The following PER2 variants were observed in gnomAD, a reference collection of about 807,000 sequenced individuals.
The protein encoded by PER2 is period circadian regulator 2.
A neutral mutation model predicts 121.0 loss-of-function variants in PER2; 66 were observed. The ratio of observed to expected loss-of-function variants is 0.55; its 90% CI spans 0.45 to 0.67. PER2 has a LOEUF of 0.67. Among genes scored for constraint, PER2 ranks in the 30% least tolerant of loss-of-function variants. The probability of loss-of-function intolerance (pLI) is 0.00; values close to 1 mark genes in which losing one functional copy is unlikely to be tolerated. For missense variants in PER2, 1,521 were observed against 1,635.0 expected, an observed-to-expected ratio of 0.93 and a Z score of 1.20; for synonymous variants, 684 against 659.9, an observed-to-expected ratio of 1.04 and a Z score of -0.56.
chr2:238,264,580 C>T (rs1574849528), intron 9 of PER2, among the ~76,000 whole-genome samples: 2 of 152,336 alleles, frequency 1.3e-5, no homozygotes, highest in East Asian at 3.9e-4. Flanking sequence ...GTGGTATCTT[C>T]TGAGGTCACT....
In PER2 at chr2:238,248,751, G is replaced by A. The variant is rs555247080; in HGVS notation, c.3618+311C>T. Among the ~76,000 whole-genome samples the A allele has an allele frequency of 3.9e-5, 6 of 151,932 alleles. No homozygotes were observed. The South Asian group carries it at 1.2e-3, about 32-fold the overall frequency. On this transcript the variant is annotated intron_variant, in intron 22 of 22. Transcript: ENST00000254657. The stretch of plus-strand genomic sequence containing the variant: ...GCTCCCTGCAAGCTCTGCCTCCGGG[G>A]TTCCCGCCATTCTCCTGCCTCAGCC...
intron 10 of PER2, among the ~76,000 whole-genome samples, 172 bp downstream of exon 10, chr2:238,262,780 G>A (rs141889113): frequency 5.2e-4 from 79 of 152,234 alleles, no homozygotes; most frequent in African/African-American, 1.6e-3. Context: ...CCTCTCTCTC[G>A]ACTCCACTGG....
chr2:238,253,725 C>CG lies in PER2; in HGVS notation c.2321-24dup, dbSNP rs759843403. ...CAGCTAATGCAGAAAAACAAATACT[C>CG]GGAGTTAAAATTTTAACTCCAAATT... On this transcript the variant is annotated intron_variant, in intron 18 of 22. Transcript: ENST00000254657. This position sits in a 1 kb window ranked among gnomAD's most constrained non-coding sequence, Gnocchi z 5.6. The CG allele has an allele frequency of 2.6e-6, 4 of 1,557,814 alleles. No individual in the cohort carries two copies. In the Admixed American group the frequency reaches 5.4e-5, roughly 21 times the overall value.
At position 238,268,057 on chromosome 2, in the gene PER2, T is replaced by G. The variant is rs774244067; in HGVS notation, c.966A>C (p.Glu322Asp). The stretch of plus-strand genomic sequence containing the variant: ...CCTCGCCCTGGGCTTGGCTGTTACC[T>G]TCATAACCAGAGTGCACTCTCTCTG... ...LLAERVHSGY[E>D]APRIPPEKRI... The change falls in exon 8 of 23, where the codon GAA becomes GAC. Residue 322 changes from glutamate to aspartate, a missense_variant and splice_region_variant. Coordinates refer to ENST00000254657, the MANE Select transcript of PER2 (RefSeq NM_022817.3). This position sits in a 1 kb window ranked among gnomAD's most constrained non-coding sequence, Gnocchi z 4.0. The G allele has an allele frequency of 6.2e-7, 1 of 1,613,844 alleles. No individual in the cohort carries two copies.
At position 238,252,957 on chromosome 2, in the gene PER2, G is replaced by C. The variant is rs1328643565; in HGVS notation, c.3066C>G (p.Cys1022Trp). The change falls in exon 19 of 23, where the codon TGC becomes TGG. Residue 1022 changes from cysteine to tryptophan, a missense_variant. Cys to Trp is a radical substitution (Grantham distance 215). Transcript: ENST00000254657. The surrounding 1 kb of genome is among the most constrained non-coding windows in gnomAD (Gnocchi z 4.2). ...ATETAAVGAD[C>W]KPGTSRDQQP... ...GCTGGTCCCGAGAAGTGCCAGGTTT[G>C]CAGTCCGCCCCTACAGCTGCTGTCT... The C allele has an allele frequency of 6.2e-7, 1 of 1,613,890 alleles. No homozygotes were observed. Among genetic ancestry groups the C allele is most frequent in the Non-Finnish European group, 8.5e-7 (1 of 1,180,028 alleles).
chr2:238,276,761 C>T (rs560866450), intron 3 of PER2, among the ~76,000 whole-genome samples: 1 of 152,222 alleles, frequency 6.6e-6, no homozygotes, highest in South Asian at 2.1e-4. Flanking sequence ...GCCCACATGC[C>T]CTGGACAAGG....
intron 5 of PER2, among the ~76,000 whole-genome samples, chr2:238,272,729 G>A (rs570580561): frequency 1.3e-5 from 2 of 152,310 alleles, no homozygotes; most frequent in South Asian, 4.1e-4. Context: ...CAAAGCCCTG[G>A]ACAAGTGAAC....
intron 4 of PER2, 56 bp from the exon 5 acceptor site, chr2:238,273,247 A>G (rs1027162880): frequency 1.6e-5 from 25 of 1,588,484 alleles, no homozygotes; most frequent in Non-Finnish European, 2.1e-5. Flanking sequence ...GGCCGGAGAC[A>G]GTCACTAGCT....
At position 238,275,723 on chromosome 2, in the gene PER2, G is replaced by C. The variant is rs1279969088; in HGVS notation, c.448+20C>G. On this transcript the variant is annotated intron_variant, in intron 4 of 22. Coordinates refer to ENST00000254657, the MANE Select transcript of PER2 (RefSeq NM_022817.3). ...AACATATTTCTATAGGTTTGGAGCA[G>C]ATGTGCGAGGCCGACGTACCTTTCA... is the stretch of plus-strand genomic sequence containing the variant. The C allele has an allele frequency of 1.2e-6, 2 of 1,610,942 alleles. No individual in the cohort carries two copies. The highest frequency in any genetic ancestry group is 1.7e-5 in the Admixed American group (1 of 60,020).
At chr2:238,257,440 T>C (rs1449672179) in intron 16 of PER2, among the ~76,000 whole-genome samples, 1 of 152,132 alleles carries the variant, frequency 6.6e-6, no homozygotes, top group Non-Finnish European at 1.5e-5. Flanking sequence ...TTTCCGACAG[T>C]CAGGAGCCAA....
At chr2:238,257,167 C>T (rs1183770242) in intron 16 of PER2, 81 bp from the exon 17 acceptor site, 3 of 1,316,286 alleles carry the variant, frequency 2.3e-6, no homozygotes, top group African/African-American at 1.4e-5. Context: ...CCCAAGTGCC[C>T]ATACAGCTTC....
chr2:238,290,107 CCTT>C (rs2106338353), upstream of PER2: 1 of 152,372 alleles, frequency 6.6e-6, no homozygotes, highest in South Asian at 2.1e-4. Context: ...TGTGATAACT[CCTT>C]CTCTTCTACT....
rs769391178 is a variant in PER2 at position 238,252,953 on chromosome 2, G to A, written c.3070C>T (p.Pro1024Ser). ...ETAAVGADCK[P>S]GTSRDQQPKA... ...GGCTGCTGGTCCCGAGAAGTGCCAG[G>A]TTTGCAGTCCGCCCCTACAGCTGCT... The change falls in exon 19 of 23, where the codon CCT (proline) becomes TCT (serine). Residue 1024 changes from proline (P) to serine (S), a missense_variant. Transcript: ENST00000254657. The surrounding 1 kb of genome is among the most constrained non-coding windows in gnomAD (Gnocchi z 4.2). The A allele has an allele frequency of 2.5e-6, 4 of 1,613,814 alleles. No individual in the cohort carries two copies. In the South Asian group the frequency reaches 3.3e-5, roughly 13 times the overall value.
At chr2:238,292,143 G>C (rs1051757074), upstream of PER2, among the ~76,000 whole-genome samples, 2 of 152,244 alleles carry the variant, frequency 1.3e-5, no homozygotes, top group Non-Finnish European at 2.9e-5. Context: ...GGGCAACAGA[G>C]CAAGACTGAG....
At chr2:238,248,917 A>C in intron 22 of PER2, 145 bp downstream of exon 22, 1 of 858,952 alleles carries the variant, frequency 1.2e-6, no homozygotes, top group South Asian at 1.3e-5. Flanking sequence ...GGCCTCCCAA[A>C]GTGCTGGGAT....
intron 8 of PER2, among the ~76,000 whole-genome samples, chr2:238,266,115 G>T (rs987331869): frequency 1.1e-4 from 16 of 152,076 alleles, no homozygotes; most frequent in Non-Finnish European, 1.8e-4. Flanking sequence ...GTGTTGGCCA[G>T]GATGGTCTCG....
chr2:238,260,022 T>C lies in PER2; in HGVS notation c.1574A>G (p.Asn525Ser), dbSNP rs1183955353. The change falls in exon 14 of 23, where the codon AAT becomes AGT. Residue 525 changes from asparagine to serine, a missense_variant. Coordinates refer to ENST00000254657, the MANE Select transcript of PER2 (RefSeq NM_022817.3). ...EICKNGNKTK[N>S]RSHYSHESGE... Reference sequence around the variant, plus strand: ...AGATTCATGAGAATAATGACTTCTATTTTTGGTCTTGTTACCATTTTTACA... The same window carrying C: ...AGATTCATGAGAATAATGACTTCTACTTTTGGTCTTGTTACCATTTTTACA... 2 of 1,513,218 alleles carry C rather than the reference T, an allele frequency of 1.3e-6. No homozygotes were observed. Among genetic ancestry groups the C allele is most frequent in the Non-Finnish European group, 1.8e-6 (2 of 1,093,292 alleles). The allele number at this position is 1,513,218 out of a possible 1,614,324, so 93.7% of individuals were successfully genotyped here.
At chr2:238,271,917 T>C (rs1696303030) in intron 5 of PER2, among the ~76,000 whole-genome samples, 1 of 148,368 alleles carries the variant, frequency 6.7e-6, no homozygotes, top group Non-Finnish European at 1.5e-5. Flanking sequence ...CCTCCCCTCC[T>C]CCCAGAGAGA....
Position 238,268,866 on chromosome 2 carries a change from C to T in PER2, c.824+57G>A. On this transcript the variant is annotated intron_variant, in intron 7 of 22. Coordinates refer to ENST00000254657, the MANE Select transcript of PER2 (RefSeq NM_022817.3). The surrounding 1 kb of genome is among the most constrained non-coding windows in gnomAD (Gnocchi z 4.0). ...CCCCCCAGCCTCAAGCGGAGCAGTG[C>T]TGGGGTGAAATGTTTATACGGTTTT... The T allele has an allele frequency of 7.7e-7, 1 of 1,294,546 alleles. No homozygotes were observed. Among genetic ancestry groups the T allele is most frequent in the Non-Finnish European group, 1.1e-6 (1 of 888,352 alleles). 80.2% of individuals were successfully genotyped at this position (1,294,546 alleles called of 1,614,324 possible).
Sources: gnomAD v4.1 joint callset for allele counts (sites outside exome capture counted in the v4.1 genomes callset) on GRCh38, gnomAD v4.1.1 for gene constraint, Gnocchi (gnomAD v3.1) non-coding constraint, MANE v1.5 for transcripts, NCBI Gene and HGNC (gene_info 2026-07-23, HGNC 2026-07-21) for gene names.